The following TNKS variants were observed in gnomAD, a reference collection of about 807,000 sequenced individuals.
TNKS encodes the protein tankyrase, also known as poly [ADP-ribose] polymerase tankyrase-1.
TNKS carries 72 observed loss-of-function variants against 135.8 expected under a neutral mutation model. The ratio of observed to expected loss-of-function variants is 0.53; its 90% confidence interval spans 0.44 to 0.64. The LOEUF is 0.64. Among genes scored for constraint, TNKS ranks in the 30% least tolerant of loss-of-function variants. The pLI, the probability that TNKS is intolerant of heterozygous loss-of-function variation, is 0.00. For synonymous variants in TNKS, 849 were observed against 649.3 expected, an observed-to-expected ratio of 1.31 and a Z score of -4.68; for missense variants, 1,769 against 1,674.0, an observed-to-expected ratio of 1.06 and a Z score of -0.99.
intron 2 of TNKS, among the ~76,000 whole-genome samples, chr8:9,586,259 A>T (rs190877759): frequency 4.6e-5 from 7 of 152,304 alleles, no homozygotes; most frequent in African/African-American, 1.7e-4. Flanking sequence ...TTGGCTTCTT[A>T]GGGGAAATTA....
intron 3 of TNKS, among the ~76,000 whole-genome samples, chr8:9,672,377 G>T (rs1217139385): frequency 6.6e-6 from 1 of 152,004 alleles, no homozygotes; most frequent in Non-Finnish European, 1.5e-5. Context: ...GGAGACTGGG[G>T]CTGTACTATG....
intron 3 of TNKS, among the ~76,000 whole-genome samples, chr8:9,630,860 G>C (rs1297312547): frequency 6.6e-6 from 1 of 152,136 alleles, no homozygotes; most frequent in African/African-American, 2.4e-5. Flanking sequence ...TTATGCTCTA[G>C]AAACATTCTC....
At chr8:9,587,611 C>A (rs1314215918) in intron 2 of TNKS, among the ~76,000 whole-genome samples, 1 of 151,934 alleles carries the variant, frequency 6.6e-6, no homozygotes, top group Admixed American at 6.6e-5. Context: ...ACCATGTTAG[C>A]CAGGGTGGTC....
At chr8:9,584,213 T>C (rs1798283035) in intron 2 of TNKS, among the ~76,000 whole-genome samples, 1 of 150,640 alleles carries the variant, frequency 6.6e-6, no homozygotes, top group Non-Finnish European at 1.5e-5. Context: ...TGGATATTTG[T>C]GATTTTTTTC....
intron 21 of TNKS, 110 bp downstream of exon 21, chr8:9,761,746 A>G: frequency 2.6e-6 from 3 of 1,136,072 alleles, no homozygotes; most frequent in Non-Finnish European, 3.7e-6. Flanking sequence ...ACACTGAACT[A>G]TTGTACCTCC....
intron 3 of TNKS, among the ~76,000 whole-genome samples, chr8:9,636,036 A>G (rs1216321807): frequency 6.6e-6 from 1 of 152,204 alleles, no homozygotes; most frequent in Non-Finnish European, 1.5e-5. Context: ...TACATGAAAA[A>G]AGTATTGTTT....
intron 20 of TNKS, 99 bp downstream of exon 20, chr8:9,752,725 C>A: frequency 1.3e-6 from 1 of 760,056 alleles, no homozygotes; most frequent in Non-Finnish European, 2.1e-6. Context: ...TGGAATGCTT[C>A]GGCAGGATTG....
rs1272461087 is a variant in TNKS, at chr8:9,556,573, A to G, written c.634A>G (p.Met212Val). Residue 212 changes from methionine (M) to valine (V), a missense_variant, in exon 1 of 27, where the codon ATG (methionine) becomes GTG (valine). By Grantham distance (21) the Met-to-Val change is conservative. Coordinates refer to ENST00000310430, the MANE Select transcript of TNKS (RefSeq NM_003747.3). ...VDAANVNAKD[M>V]AGRKSSPLHF... ...CGCGGCAAACGTAAATGCAAAGGACATGGCCGGCCGGAAGTCTTCTCCCCT... is the reference window on the plus strand; with the variant it reads ...CGCGGCAAACGTAAATGCAAAGGACGTGGCCGGCCGGAAGTCTTCTCCCCT... 6.2e-6 allele frequency: 10 copies of G among 1,613,516 alleles called. No individual in the cohort carries two copies. Among genetic ancestry groups the G allele is most frequent in the Admixed American group, 1.7e-5 (1 of 59,994 alleles).
intron 1 of TNKS, among the ~76,000 whole-genome samples, chr8:9,562,591 G>A (rs2129049596): frequency 6.6e-6 from 1 of 152,240 alleles, no homozygotes; most frequent in South Asian, 2.1e-4. Context: ...ATATATGTGA[G>A]TGTTGCTTTT....
intron 5 of TNKS, chr8:9,681,282 T>G (rs1802771266): frequency 6.6e-6 from 1 of 152,376 alleles, no homozygotes; most frequent in African/African-American, 2.4e-5. Context: ...CTTTTATTAT[T>G]ATTTGTACTG....
chr8:9,611,694 T>C (rs28716261), intron 2 of TNKS, among the ~76,000 whole-genome samples: 43,780 of 152,014 alleles, frequency 0.29, 6,599 homozygotes, highest in East Asian at 0.38. Flanking sequence ...GTGCCATTCT[T>C]CTGGTATTAG....
intron 24 of TNKS, among the ~76,000 whole-genome samples, 193 bp from the exon 25 acceptor site, chr8:9,766,046 C>T (rs1341559359): frequency 6.6e-6 from 1 of 152,112 alleles, no homozygotes; most frequent in Non-Finnish European, 1.5e-5. Flanking sequence ...GCAAATTGAG[C>T]CACCTAGTGA....
At chr8:9,659,665 A>G (rs1801598619) in intron 3 of TNKS, among the ~76,000 whole-genome samples, 1 of 152,212 alleles carries the variant, frequency 6.6e-6, no homozygotes, top group African/African-American at 2.4e-5. Flanking sequence ...CTAACATCAC[A>G]ATTAAAAGAA....
chr8:9,607,174 A>C (rs918066084), intron 2 of TNKS, among the ~76,000 whole-genome samples: 1 of 152,232 alleles, frequency 6.6e-6, no homozygotes, highest in Admixed American at 6.5e-5. Flanking sequence ...AGCTTACTGC[A>C]TGTTAGCATG....
At chr8:9,776,415 CTTAA>C (rs1808228218) in intron 26 of TNKS, among the ~76,000 whole-genome samples, 1 of 152,196 alleles carries the variant, frequency 6.6e-6, no homozygotes, top group African/African-American at 2.4e-5. Flanking sequence ...ATGAATGGAG[CTTAA>C]TTGACAGTAT....
chr8:9,580,720 C>T (rs1467047837), intron 2 of TNKS, among the ~76,000 whole-genome samples: 2 of 151,982 alleles, frequency 1.3e-5, no homozygotes, highest in East Asian at 3.9e-4. Context: ...AGTACAAATT[C>T]TACTGAGTTG....
In TNKS at chr8:9,670,705, ACTTGTTCCT is replaced by A. The variant is rs531493171; in HGVS notation, c.995-9241_995-9233del. On this transcript the variant is annotated intron_variant, in intron 3 of 26. Coordinates refer to ENST00000310430, the MANE Select transcript of TNKS (RefSeq NM_003747.3). Reference sequence around the variant, plus strand: ...TTTGTTAGGTGAGAACTCAGAACTAACTTGTTCCTCTTGCTTTTTAGAAAGCTGCTTGGA... The same window carrying A: ...TTTGTTAGGTGAGAACTCAGAACTAACTTGCTTTTTAGAAAGCTGCTTGGA... The A allele has an allele frequency of 1.4e-3, 213 of 152,298 alleles. 1 individual carries two copies. The highest frequency in any genetic ancestry group is 4.7e-3 in the African/African-American group (195 of 41,584). 9.4% of individuals were successfully genotyped at this position (152,298 alleles called of 1,614,324 possible).
chr8:9,688,479 C>G (rs2128800515), intron 5 of TNKS, among the ~76,000 whole-genome samples: 1 of 152,286 alleles, frequency 6.6e-6, no homozygotes, highest in African/African-American at 2.4e-5. Flanking sequence ...TCATTGTATA[C>G]CATTTCTAGT....
rs573833343 is a variant in TNKS at position 9,771,318 on chromosome 8, G to A, written c.3897+1056G>A. 3.1e-5 allele frequency among the ~76,000 whole-genome samples: 4 copies of A among 127,004 alleles called. No homozygotes were observed. In the East Asian group the frequency reaches 1.0e-3, roughly 32 times the overall value. 83.3% of individuals were successfully genotyped at this position (127,004 alleles called of 152,430 possible). A position where few individuals can be genotyped will look rare whatever the true frequency, so the allele number is the denominator to read the frequency against. On this transcript the variant is annotated intron_variant, in intron 26 of 26. Transcript: ENST00000310430. ...GAGGAGAGAGGAAGGAAGGAAGAGAGAAGAAAGGAGGGAGAGAGAGGAAGG... is the reference window on the plus strand; with the variant it reads ...GAGGAGAGAGGAAGGAAGGAAGAGAAAAGAAAGGAGGGAGAGAGAGGAAGG...
Sources: gnomAD v4.1 joint callset for allele counts (sites outside exome capture counted in the v4.1 genomes callset) on GRCh38, gnomAD v4.1.1 for gene constraint, MANE v1.5 for transcripts, NCBI Gene and HGNC (gene_info 2026-07-23, HGNC 2026-07-21) for gene names.